Variants in UBR2 observed in about 807,000 individuals in gnomAD.
UBR2 encodes the protein ubiquitin protein ligase E3 component n-recognin 2.
In UBR2, 92 loss-of-function variants were observed where a neutral mutation model predicts 247.9. The observed-to-expected ratio is 0.37, with a 90% CI of 0.31 to 0.44. UBR2 has a LOEUF of 0.44. Ranked by LOEUF, UBR2 falls within the 20% of genes least tolerant of loss-of-function variation. UBR2 has a pLI of 1.00. For missense variants in UBR2, 1,613 were observed against 2,112.6 expected (o/e 0.76, Z 4.64); for synonymous variants, 672 against 693.5 (o/e 0.97, Z 0.49).
At position 42,658,820 on chromosome 6, in the gene UBR2, C is replaced by T; in HGVS notation, c.3238C>T (p.His1080Tyr). 1 of 1,333,720 alleles carries T rather than the reference C, an allele frequency of 7.5e-7. No individual in the cohort carries two copies. The highest frequency in any genetic ancestry group is 1.9e-5 in the African/African-American group (1 of 53,122). 82.6% of individuals were successfully genotyped at this position (1,333,720 alleles called of 1,614,324 possible). ...TGCCTCAACCTCTGCTGTTCTTGAT[C>T]ATAGGTAAAAAAAAAAAAAAAAAAA... is the stretch of plus-strand genomic sequence containing the variant. Reference protein sequence around the residue: ...LDASTSAVLDHSPVASDMTLT... With the variant: ...LDASTSAVLDYSPVASDMTLT... Residue 1080 changes from histidine (H) to tyrosine (Y), a missense_variant, in exon 29 of 47, where the codon CAT (histidine) becomes TAT (tyrosine). His to Tyr is a moderately conservative substitution (Grantham distance 83). Around this residue, in one of 3 missense-constraint regions of UBR2, gnomAD observed 1,524 missense variants for 1,967.3 expected, o/e 0.77. Coordinates refer to ENST00000372901, the MANE Select transcript of UBR2 (RefSeq NM_001363705.2).
chr6:42,614,217 T>TACAC (rs576036792), intron 8 of UBR2, among the ~76,000 whole-genome samples: 7 of 61,860 alleles, frequency 1.1e-4, no homozygotes, highest in African/African-American at 4.1e-4. Flanking sequence ...TATATATATA[T>TACAC]ACACACACAC....
chr6:42,663,046 C>A (rs977857367), intron 31 of UBR2, among the ~76,000 whole-genome samples: 1 of 146,552 alleles, frequency 6.8e-6, no homozygotes, highest in African/African-American at 2.5e-5. Flanking sequence ...TGCTTTTTTA[C>A]ATGGCAGTCT....
chr6:42,565,612 G>A lies in UBR2; in HGVS notation c.78+1215G>A, dbSNP rs534058236. Among the ~76,000 whole-genome samples the A allele has an allele frequency of 2.0e-5, 3 of 152,282 alleles. No homozygotes were observed. The East Asian group carries it at 5.8e-4, about 29-fold the overall frequency. ...TTTCGCTTTCGATGCCCAGGCTGGA[G>A]TGCAGTGGCGCGATCTCAGCTCACC... On this transcript the variant is annotated intron_variant, in intron 1 of 46. Transcript: ENST00000372901.
At chr6:42,683,218 C>A in intron 43 of UBR2, 107 bp downstream of exon 43, 1 of 880,994 alleles carries the variant, frequency 1.1e-6, no homozygotes, top group South Asian at 1.8e-5. Flanking sequence ...TTTAGTGATT[C>A]CAAAAGGTTA....
rs184253672 is a variant in UBR2 at position 42,614,089 on chromosome 6, A to G, written c.986-982A>G. 3.2e-4 allele frequency among the ~76,000 whole-genome samples: 48 copies of G among 147,850 alleles called. No homozygotes were observed. The East Asian group carries it at 6.3e-3, about 20-fold the overall frequency. On this transcript the variant is annotated intron_variant, in intron 8 of 46. Transcript: ENST00000372901. ...GTACTTGGGAGGCTGAGGCACAGGA[A>G]TTGCGTGAACCCAGGAGGCAGAGGT...
intron 15 of UBR2, among the ~76,000 whole-genome samples, chr6:42,638,393 A>G (rs1796237505): frequency 1.3e-5 from 2 of 152,078 alleles, no homozygotes. Context: ...GACCTATCAC[A>G]TTATCCCACT....
chr6:42,627,863 ATT>A (rs995819360), intron 11 of UBR2, among the ~76,000 whole-genome samples: 1 of 152,180 alleles, frequency 6.6e-6, no homozygotes, highest in Non-Finnish European at 1.5e-5. Flanking sequence ...TGTAAACCAC[ATT>A]CCTCCCAAAG....
rs1473590512 is a variant in UBR2, at chr6:42,619,440, TATATA to T, written c.1281+1934_1281+1938del. ...ATATATATATATATATATATATATA[TATATA>T]TATATATATTTTTTTTTTTTAGTTC... On this transcript the variant is annotated intron_variant, in intron 11 of 46. Transcript: ENST00000372901. 2.9e-3 allele frequency: 97 copies of T among 33,168 alleles called. 4 individuals carry two copies. The highest frequency in any genetic ancestry group is 9.2e-3 in the African/African-American group (79 of 8,554). The allele number at this position is 33,168 out of a possible 1,614,324, so 2.1% of individuals were successfully genotyped here.
intron 32 of UBR2, 124 bp downstream of exon 32, chr6:42,663,543 C>G (rs1369805414): frequency 9.9e-7 from 1 of 1,009,360 alleles, no homozygotes; most frequent in Non-Finnish European, 1.4e-6. Flanking sequence ...ACTTTCCAAA[C>G]TCTAATCATT....
chr6:42,638,575 C>T (rs1430416708), intron 15 of UBR2, among the ~76,000 whole-genome samples: 2 of 152,110 alleles, frequency 1.3e-5, no homozygotes, highest in Non-Finnish European at 2.9e-5. Flanking sequence ...ATTTCTATAA[C>T]TTGTTCAGGC....
chr6:42,640,053 C>T (rs1796333423), intron 15 of UBR2, among the ~76,000 whole-genome samples, 156 bp from the exon 16 acceptor site: 2 of 152,076 alleles, frequency 1.3e-5, no homozygotes, highest in South Asian at 4.1e-4. Context: ...TAATAAGCCT[C>T]TTATGAATAT....
chr6:42,586,687 G>A (rs1792301849), intron 2 of UBR2, among the ~76,000 whole-genome samples: 1 of 150,106 alleles, frequency 6.7e-6, no homozygotes, highest in Non-Finnish European at 1.5e-5. Context: ...GTAACTCTAG[G>A]GATTATAATA....
chr6:42,628,490 G>A (rs935749237), intron 11 of UBR2, among the ~76,000 whole-genome samples: 1 of 152,098 alleles, frequency 6.6e-6, no homozygotes, highest in Admixed American at 6.6e-5. Flanking sequence ...GGGAGGCAAA[G>A]GTGGGAGGAT....
chr6:42,660,889 C>G (rs1184472886), intron 30 of UBR2, among the ~76,000 whole-genome samples: 1 of 151,886 alleles, frequency 6.6e-6, no homozygotes, highest in East Asian at 1.9e-4. Context: ...ATTGCTTGAA[C>G]CTGGGAGGCA....
rs114273351 is a variant in UBR2 at position 42,660,177 on chromosome 6, A to G, written c.3442+322A>G. ...GTCCTGGTCATTTGTTGACACACTG[A>G]AATAATAATTGTTTTGTCTTATTGA... is the stretch of plus-strand genomic sequence containing the variant. On this transcript the variant is annotated intron_variant, in intron 30 of 46. Coordinates refer to ENST00000372901, the MANE Select transcript of UBR2 (RefSeq NM_001363705.2). Among the ~76,000 whole-genome samples the G allele has an allele frequency of 4.5e-3, 688 of 152,326 alleles. 3 individuals are homozygous for G. The highest frequency in any genetic ancestry group is 0.014 in the African/African-American group (568 of 41,564).
chr6:42,569,515 T>C (rs73436639), intron 1 of UBR2, among the ~76,000 whole-genome samples: 3,350 of 152,322 alleles, frequency 0.022, 116 homozygotes, highest in African/African-American at 0.075. Context: ...TTTGTAAATA[T>C]TCTCCTTAAT....
chr6:42,684,515 C>T (rs1057025454), intron 43 of UBR2, among the ~76,000 whole-genome samples: 23 of 151,124 alleles, frequency 1.5e-4, no homozygotes, highest in African/African-American at 4.4e-4. Context: ...ACCCGGGAGG[C>T]GGAGGTTGCA....
chr6:42,638,847 C>CAA (rs538632850), intron 15 of UBR2, among the ~76,000 whole-genome samples: 2,842 of 141,348 alleles, frequency 0.02, 72 homozygotes, highest in African/African-American at 0.069. Context: ...GACTCTGTCT[C>CAA]AAAAAAAAAA....
At position 42,573,802 on chromosome 6, in the gene UBR2, C is replaced by G. The variant is rs1380068579; in HGVS notation, c.147C>G (p.Ile49Met). 1.2e-6 allele frequency: 2 copies of G among 1,613,388 alleles called. No homozygotes were observed. Among genetic ancestry groups the G allele is most frequent in the Non-Finnish European group, 1.7e-6 (2 of 1,179,610 alleles). ...YQHLAHYVPK[I>M]YCRGPNPFPQ... ...ATTTAGCCCACTATGTACCCAAAAT[C>G]TACTGCAGGGGTCCCAACCCTTTTC... The change falls in exon 2 of 47, where the codon ATC (isoleucine) becomes ATG (methionine). Residue 49 changes from isoleucine to methionine, a missense_variant. By Grantham distance (10) the Ile-to-Met change is conservative. Around this residue, in one of 3 missense-constraint regions of UBR2, gnomAD observed 1,524 missense variants for 1,967.3 expected, o/e 0.77. Transcript: ENST00000372901.
Sources: allele counts gnomAD v4.1 joint callset (sites outside exome capture counted in the v4.1 genomes callset), GRCh38; gene constraint gnomAD v4.1.1; regional missense constraint gnomAD v4.1.1; transcripts MANE v1.5; gene names NCBI Gene and HGNC (gene_info 2026-07-23, HGNC 2026-07-21).